The following NDRG4 variants were observed in gnomAD, a reference collection of about 807,000 sequenced individuals.
NDRG4 encodes NDRG family member 4, also known as protein NDRG4.
NDRG4 carries 38 observed loss-of-function variants against 55.8 expected under a neutral mutation model. The ratio of observed to expected loss-of-function variants is 0.68; its 90% CI spans 0.53 to 0.89. The LOEUF is 0.89. Among genes scored for constraint, NDRG4 ranks in the 40% least tolerant of loss-of-function variants. The pLI is 0.00. For missense variants in NDRG4, 455 were observed against 468.6 expected, an observed-to-expected ratio of 0.97 and a Z score of 0.27; for synonymous variants, 190 against 182.7, an observed-to-expected ratio of 1.04 and a Z score of -0.32.
intron 2 of NDRG4, among the ~76,000 whole-genome samples, chr16:58,491,409 G>A (rs887903927): frequency 5.3e-5 from 8 of 151,400 alleles, no homozygotes; most frequent in Non-Finnish European, 1.0e-4. Flanking sequence ...GCTCACAGAC[G>A]ATTCTCCTTT....
chr16:58,512,450 T>C lies in NDRG4; in HGVS notation c.*874T>C, dbSNP rs562486563. The C allele has an allele frequency of 2.5e-4, 61 of 244,792 alleles. No individual in the cohort carries two copies. The highest frequency in any genetic ancestry group is 1.3e-3 in the Admixed American group (25 of 19,064). 15.2% of individuals were successfully genotyped at this position (244,792 alleles called of 1,614,324 possible). A position where few individuals can be genotyped will look rare whatever the true frequency, so the allele number is the denominator to read the frequency against. On this transcript the variant is annotated 3_prime_UTR_variant, in exon 15 of 15. Transcript: ENST00000570248. ...CCAGAGGCAGGGGTAGCTGAGTTCC[T>C]GGAGACCCCTTTTTTGCCCCCAGGT...
At chr16:58,505,088 A>C (rs182835912) in intron 5 of NDRG4, among the ~76,000 whole-genome samples, 3 of 152,284 alleles carry the variant, frequency 2.0e-5, no homozygotes, top group East Asian at 1.9e-4. Flanking sequence ...GGTGGCTCAC[A>C]CCTGTAATCC....
intron 2 of NDRG4, among the ~76,000 whole-genome samples, chr16:58,488,620 C>A (rs1184811170): frequency 6.6e-6 from 1 of 152,000 alleles, no homozygotes; most frequent in Non-Finnish European, 1.5e-5. Flanking sequence ...CTCAAATCTG[C>A]AGGGCACTGT....
chr16:58,481,233 G>T (rs191546559), intron 1 of NDRG4, among the ~76,000 whole-genome samples: 1 of 152,128 alleles, frequency 6.6e-6, no homozygotes, highest in Non-Finnish European at 1.5e-5. Context: ...CATGTAAAAT[G>T]CCTGGAACAT....
intron 1 of NDRG4, chr16:58,487,709 C>A: frequency 7.0e-7 from 1 of 1,418,880 alleles, no homozygotes; most frequent in Non-Finnish European, 9.5e-7. Flanking sequence ...CTTCTCCGCC[C>A]GGGCGTCCCC....
chr16:58,493,359 C>T (rs1262738346), intron 2 of NDRG4, among the ~76,000 whole-genome samples: 2 of 152,234 alleles, frequency 1.3e-5, no homozygotes, highest in African/African-American at 2.4e-5. Context: ...ACCTCTGCCT[C>T]CCAGGTTCAA....
At chr16:58,471,977 C>A (rs1221546252) in intron 1 of NDRG4, among the ~76,000 whole-genome samples, 1 of 152,114 alleles carries the variant, frequency 6.6e-6, no homozygotes, top group Admixed American at 6.5e-5. Flanking sequence ...CCTGTGCACC[C>A]CAAATTGTTT....
At position 58,504,619 on chromosome 16, in the gene NDRG4, C is replaced by A. The variant is rs1264075566; in HGVS notation, c.342C>A (p.Gly114=). 10 of 1,614,052 alleles carry A rather than the reference C, an allele frequency of 6.2e-6. No individual in the cohort carries two copies. Among genetic ancestry groups the A allele is most frequent in the Non-Finnish European group, 8.5e-6 (10 of 1,180,050 alleles). ...GFKYVIGIGV[G]AGAYVLAKFA... ...AGTATGTGATTGGCATCGGAGTGGG[C>A]GCCGGAGCCTATGTGCTGGCCAAGT... Residue 114 remains glycine (G), a synonymous_variant, in exon 5 of 15, where the codon GGC becomes GGA. Transcript: ENST00000570248.
chr16:58,464,959 C>T lies in NDRG4; in HGVS notation c.-24+1162C>T. 1 of 1,193,512 alleles carries T rather than the reference C, an allele frequency of 8.4e-7. No homozygotes were observed. Among genetic ancestry groups the T allele is most frequent in the Non-Finnish European group, 1.1e-6 (1 of 942,788 alleles). 73.9% of individuals were successfully genotyped at this position (1,193,512 alleles called of 1,614,324 possible). A position where few individuals can be genotyped will look rare whatever the true frequency, so the allele number is the denominator to read the frequency against. ...GGGAAGCCAGATTGGACCCTACTGA[C>T]TGGGGACCCTCAGCCTTGGGGCTCC... is the stretch of plus-strand genomic sequence containing the variant. On this transcript the variant is annotated intron_variant, in intron 1 of 15. Transcript: ENST00000258187. This position sits in a 1 kb window ranked among gnomAD's most constrained non-coding sequence, Gnocchi z 4.8.
upstream of NDRG4, among the ~76,000 whole-genome samples, chr16:58,498,880 G>C (rs1408305939): frequency 1.3e-5 from 2 of 152,210 alleles, no homozygotes; most frequent in Non-Finnish European, 2.9e-5. Flanking sequence ...CTTCTTTGCT[G>C]TGTGACCTTG....
chr16:58,502,840 C>G (rs944851020), intron 1 of NDRG4, among the ~76,000 whole-genome samples: 17 of 152,222 alleles, frequency 1.1e-4, no homozygotes, highest in Admixed American at 7.2e-4. Flanking sequence ...CAGATGGCCC[C>G]TCTTGAAGTT....
intron 1 of NDRG4, among the ~76,000 whole-genome samples, chr16:58,478,411 G>C (rs935584190): frequency 5.3e-5 from 8 of 151,270 alleles, no homozygotes; most frequent in African/African-American, 1.9e-4. Context: ...AAGTGTCAAG[G>C]TTATAAAAGA....
At chr16:58,473,876 G>A (rs1319698742) in intron 1 of NDRG4, among the ~76,000 whole-genome samples, 1 of 152,048 alleles carries the variant, frequency 6.6e-6, no homozygotes, top group East Asian at 1.9e-4. Flanking sequence ...TCCAGTGCAT[G>A]TTTATACTCA....
Position 58,511,438 on chromosome 16 carries a change from G to A in NDRG4, c.921G>A (p.Met307Ile), listed in dbSNP as rs1173006919. 1 of 1,607,722 alleles carries A rather than the reference G, an allele frequency of 6.2e-7. No individual in the cohort carries two copies. The highest frequency in any genetic ancestry group is 1.7e-5 in the Admixed American group (1 of 59,892). ...LSGGAVPSASMTRLARSRTAS... is the reference protein window; with the variant it reads ...LSGGAVPSASITRLARSRTAS... Reference sequence around the variant, plus strand: ...TGTCCACAGTGCCCTCAGCCAGCATGACCCGCCTGGCACGCTCCCGCACTG... The same window carrying A: ...TGTCCACAGTGCCCTCAGCCAGCATAACCCGCCTGGCACGCTCCCGCACTG... Residue 307 changes from methionine to isoleucine, a missense_variant, in exon 15 of 15, where the codon ATG (methionine) becomes ATA (isoleucine). Met to Ile is a conservative substitution (Grantham distance 10). Coordinates refer to ENST00000570248, the MANE Select transcript of NDRG4 (RefSeq NM_001242835.2).
rs2038892102 is a variant in NDRG4, at chr16:58,512,247, T to C, written c.*671T>C. ...AGACTGTCCCTTCCAGCCCACACTC[T>C]GCCACCTCCTGGCCCTGTCCCAATT... On this transcript the variant is annotated 3_prime_UTR_variant, in exon 15 of 15. Coordinates refer to ENST00000570248, the MANE Select transcript of NDRG4 (RefSeq NM_001242835.2). 2 of 382,146 alleles carry C rather than the reference T, an allele frequency of 5.2e-6. No individual in the cohort carries two copies. The highest frequency in any genetic ancestry group is 1.0e-5 in the Non-Finnish European group (2 of 193,834). The allele number at this position is 382,146 out of a possible 1,614,324, so 23.7% of individuals were successfully genotyped here.
At position 58,506,464 on chromosome 16, in the gene NDRG4, T is replaced by G; in HGVS notation, c.450T>G (p.Ala150=). ...ATGGCAAAGGCTGGATAGACTGGGC[T>G]GCCACCAAGGTGTGTGTGGTGACCG... is the stretch of plus-strand genomic sequence containing the variant. ...DPNGKGWIDW[A]ATKLSGLTST... is the part of the protein sequence containing the mutation. The change falls in exon 6 of 15, where the codon GCT becomes GCG. Residue 150 remains alanine (A), a synonymous_variant. Coordinates refer to ENST00000570248, the MANE Select transcript of NDRG4 (RefSeq NM_001242835.2). 1 of 1,586,684 alleles carries G rather than the reference T, an allele frequency of 6.3e-7. No individual in the cohort carries two copies. The highest frequency in any genetic ancestry group is 8.6e-7 in the Non-Finnish European group (1 of 1,166,948).
chr16:58,466,505 G>T (rs1256281714), intron 1 of NDRG4, among the ~76,000 whole-genome samples: 2 of 152,184 alleles, frequency 1.3e-5, no homozygotes, highest in African/African-American at 4.8e-5. Flanking sequence ...GAGGAGTCAG[G>T]ACCCCTCTTC....
At chr16:58,505,297 T>C (rs547366985) in intron 5 of NDRG4, among the ~76,000 whole-genome samples, 26 of 151,360 alleles carry the variant, frequency 1.7e-4, no homozygotes, top group South Asian at 1.5e-3. Flanking sequence ...TGCAGTGAGC[T>C]GAGATCGCGC....
At chr16:58,488,652 C>G (rs1277457595) in intron 2 of NDRG4, among the ~76,000 whole-genome samples, 1 of 152,052 alleles carries the variant, frequency 6.6e-6, no homozygotes, top group Non-Finnish European at 1.5e-5. Context: ...CCCTGCCTCC[C>G]CAGCCTCCCA....
Sources: gnomAD v4.1 joint callset for allele counts (sites outside exome capture counted in the v4.1 genomes callset) on GRCh38, gnomAD v4.1.1 for gene constraint, Gnocchi (gnomAD v3.1) non-coding constraint, MANE v1.5 for transcripts, NCBI Gene and HGNC (gene_info 2026-07-23, HGNC 2026-07-21) for gene names.